ACLY: variants seen among roughly 807,000 people sequenced by gnomAD.
ACLY encodes ATP-citrate synthase.
In ACLY, 41 loss-of-function variants were observed where a neutral mutation model predicts 133.0. That is an observed-to-expected ratio of 0.31 (90% CI 0.24 to 0.40). The LOEUF is 0.40. Ranked by LOEUF, ACLY falls within the 10% of genes least tolerant of loss-of-function variation. The pLI is 1.00. For synonymous variants in ACLY, 495 were observed against 549.3 expected (o/e 0.90, Z 1.38); for missense variants, 1,046 against 1,453.8 (o/e 0.72, Z 4.56).
At position 41,905,422 on chromosome 17, in the gene ACLY, A is replaced by C. The variant is rs144227953; in HGVS notation, c.1003+100T>G. 830 of 1,508,006 alleles carry C rather than the reference A, an allele frequency of 5.5e-4. 9 individuals are homozygous for C. The South Asian group carries it at 6.7e-3, about 12-fold the overall frequency. The allele number at this position is 1,508,006 out of a possible 1,614,324, so 93.4% of individuals were successfully genotyped here. On this transcript the variant is annotated intron_variant, in intron 9 of 28. Transcript: ENST00000352035. The stretch of plus-strand genomic sequence containing the variant: ...TTAGCCTCAAGTTGCAAAGGACCAC[A>C]CACAGCCTTGGTGACTCCTCAGACG...
intron 1 of ACLY, among the ~76,000 whole-genome samples, chr17:41,924,915 T>C (rs2050224235): frequency 6.6e-6 from 1 of 152,088 alleles, no homozygotes; most frequent in African/African-American, 2.4e-5. Context: ...CCAGGTATGT[T>C]CCTATAAAAT....
intron 16 of ACLY, among the ~76,000 whole-genome samples, chr17:41,890,636 C>T (rs1261659908): frequency 4.0e-5 from 6 of 151,004 alleles, no homozygotes; most frequent in Admixed American, 3.3e-4. Context: ...TGCGGTGAGC[C>T]GAGATTGCAC....
chr17:41,909,040 A>G lies in ACLY; in HGVS notation c.565T>C (p.Phe189Leu), dbSNP rs2049811435. The G allele has an allele frequency of 6.2e-7, 1 of 1,613,036 alleles. No homozygotes were observed. Among genetic ancestry groups the G allele is most frequent in the African/African-American group, 1.3e-5 (1 of 74,994 alleles). The change falls in exon 6 of 29, where the codon TTC becomes CTC. Residue 189 changes from phenylalanine to leucine, a missense_variant. By Grantham distance (22) the Phe-to-Leu change is conservative (BLOSUM62 0). Transcript: ENST00000352035. ...AAGTACAAGTCCTCGTAGAAATTGA[A>G]GAGGCCGGAGATAAAACTGGCCAGA... is the stretch of plus-strand genomic sequence containing the variant. ...EILASFISGL[F>L]NFYEDLYFTY...
intron 7 of ACLY, 92 bp from the exon 8 acceptor site, chr17:41,906,738 CATGAAAAGGTGCCTTA>C (rs2049730783): frequency 8.5e-7 from 1 of 1,181,100 alleles, no homozygotes; most frequent in Admixed American, 1.8e-5. Flanking sequence ...CCTGGAAGCA[CATGAAAAGGTGCCTTA>C]ATGGGGTGGG....
At chr17:41,887,127 GAAAAAAAAAAAA>G (rs535668437) in intron 17 of ACLY, among the ~76,000 whole-genome samples, 6 of 110,380 alleles carry the variant, frequency 5.4e-5, no homozygotes, top group East Asian at 5.0e-4. Flanking sequence ...CCGTCTCAAA[GAAAAAAAAAAAA>G]AAAAAAAAAA....
At chr17:41,900,369 AAAAAAAAAG>A (rs2049502670) in intron 11 of ACLY, among the ~76,000 whole-genome samples, 1 of 53,438 alleles carries the variant, frequency 1.9e-5, no homozygotes, top group African/African-American at 5.3e-5. Flanking sequence ...TCTCAAAATA[AAAAAAAAAG>A]AAAAAAAAGA....
At chr17:41,874,182 C>G (rs190465960) in intron 22 of ACLY, among the ~76,000 whole-genome samples, 2 of 152,332 alleles carry the variant, frequency 1.3e-5, no homozygotes, top group Non-Finnish European at 1.5e-5. Flanking sequence ...ACCCATGACA[C>G]CACTTGGCAT....
chr17:41,893,288 C>T (rs977812882), intron 14 of ACLY, 114 bp from the exon 15 acceptor site: 23 of 1,203,012 alleles, frequency 1.9e-5, no homozygotes, highest in Non-Finnish European at 2.4e-5. Flanking sequence ...GGTGATGCCT[C>T]ATCACAACCG....
upstream of ACLY, among the ~76,000 whole-genome samples, chr17:41,923,869 G>A (rs34683551): frequency 6.6e-6 from 1 of 152,030 alleles, no homozygotes; most frequent in Non-Finnish European, 1.5e-5. Flanking sequence ...GGAGTGCAAT[G>A]GTGTGATCTG....
intron 10 of ACLY, chr17:41,904,435 G>A: frequency 2.6e-6 from 1 of 385,676 alleles, no homozygotes. Context: ...TTGAGCCAGT[G>A]CTCCAAAGCA....
At chr17:41,912,352 C>A in intron 3 of ACLY, 68 bp downstream of exon 3, 1 of 1,578,416 alleles carries the variant, frequency 6.3e-7, no homozygotes, top group Non-Finnish European at 8.6e-7. Context: ...CACAGAGCTG[C>A]TGACCTGGAG....
intron 10 of ACLY, among the ~76,000 whole-genome samples, chr17:41,903,506 G>A (rs1254047152): frequency 1.3e-5 from 2 of 152,136 alleles, no homozygotes; most frequent in Non-Finnish European, 2.9e-5. Flanking sequence ...AGTAATCCCA[G>A]CTCTTTGGGA....
intron 3 of ACLY, among the ~76,000 whole-genome samples, chr17:41,911,404 C>T (rs2049897077): frequency 6.6e-6 from 1 of 152,194 alleles, no homozygotes; most frequent in Non-Finnish European, 1.5e-5. Context: ...TCCTCCAGCT[C>T]CCCTGGGGAA....
chr17:41,884,717 T>C (rs1267149652), intron 18 of ACLY, among the ~76,000 whole-genome samples: 1 of 152,164 alleles, frequency 6.6e-6, no homozygotes. Context: ...AAACCCCGTC[T>C]CTACTAAAAA....
At position 41,867,525 on chromosome 17, in the gene ACLY, G is replaced by A. The variant is rs1214015455; in HGVS notation, c.*285C>T. On this transcript the variant is annotated 3_prime_UTR_variant, in exon 29 of 29. Transcript: ENST00000352035. ...CAATGAGGAAGACCCCATCCTGACA[G>A]TACTTAGATGCTTCCATATAATAAA... 4.4e-6 allele frequency: 1 copy of A among 228,446 alleles called. No individual in the cohort carries two copies. The allele number at this position is 228,446 out of a possible 1,614,324, so 14.2% of individuals were successfully genotyped here.
At position 41,913,815 on chromosome 17, in the gene ACLY, C is replaced by T; in HGVS notation, c.59G>A (p.Cys20Tyr). The T allele has an allele frequency of 6.2e-7, 1 of 1,614,212 alleles. No homozygotes were observed. The highest frequency in any genetic ancestry group is 8.5e-7 in the Non-Finnish European group (1 of 1,180,044). Residue 20 changes from cysteine (C) to tyrosine (Y), a missense_variant, in exon 2 of 29, where the codon TGT becomes TAT. Around this residue, in one of 4 missense-constraint regions of ACLY, gnomAD observed 227 missense variants for 245.6 expected, o/e 0.92. Transcript: ENST00000352035. ...TGKELLYKFICTTSAIQNRFK... is the reference protein window; with the variant it reads ...TGKELLYKFIYTTSAIQNRFK... ...CCGATTCTGGATGGCTGAGGTGGTACAGATGAACTTGTAAAGGAGTTCTTT... is the reference window on the plus strand; with the variant it reads ...CCGATTCTGGATGGCTGAGGTGGTATAGATGAACTTGTAAAGGAGTTCTTT...
At chr17:41,918,988 C>A, upstream of ACLY, 1 of 1,287,082 alleles carries the variant, frequency 7.8e-7, no homozygotes, top group Middle Eastern at 2.1e-4. Context: ...TTTGTCCCGG[C>A]CCAGCCGGAC....
intron 26 of ACLY, 103 bp downstream of exon 26, chr17:41,869,371 A>C: frequency 1.0e-6 from 1 of 1,000,872 alleles, no homozygotes; most frequent in Non-Finnish European, 1.5e-6. Flanking sequence ...TTTCTAGAAA[A>C]CTAGGTTTGC....
At chr17:41,896,779 C>T in intron 13 of ACLY, 130 bp from the exon 14 acceptor site, 3 of 729,472 alleles carry the variant, frequency 4.1e-6, no homozygotes, top group Non-Finnish European at 6.4e-6. Flanking sequence ...CATCCCTCTC[C>T]TGTTCTGCAA....
Sources: allele counts gnomAD v4.1 joint callset (sites outside exome capture counted in the v4.1 genomes callset), GRCh38; gene constraint gnomAD v4.1.1; regional missense constraint gnomAD v4.1.1; transcripts MANE v1.5; gene names NCBI Gene and HGNC (gene_info 2026-07-23, HGNC 2026-07-21).